GSTCD: variants seen among roughly 807,000 people sequenced by gnomAD.
The protein encoded by GSTCD is glutathione S-transferase C-terminal domain-containing protein.
GSTCD carries 44 observed loss-of-function variants against 68.3 expected under a neutral mutation model. The observed-to-expected ratio is 0.64, with a 90% CI of 0.51 to 0.83. The LOEUF is 0.83. Ranked by LOEUF, GSTCD falls within the 40% of genes least tolerant of loss-of-function variation. GSTCD has a pLI of 0.00. For missense variants in GSTCD, 739 were observed against 735.9 expected (o/e 1.00, Z -0.05); for synonymous variants, 273 against 255.2 (o/e 1.07, Z -0.67).
intron 5 of GSTCD, among the ~76,000 whole-genome samples, chr4:105,744,223 C>T (rs904491196): frequency 3.3e-5 from 5 of 152,184 alleles, no homozygotes; most frequent in Non-Finnish European, 7.4e-5. Flanking sequence ...GCAGGAATAT[C>T]ACAGATGCGA....
intron 5 of GSTCD, among the ~76,000 whole-genome samples, chr4:105,800,398 AAGATG>A (rs1736062567): frequency 6.6e-6 from 1 of 152,172 alleles, no homozygotes; most frequent in African/African-American, 2.4e-5. Context: ...GTTATAATTC[AAGATG>A]AGATTTGGGT....
At chr4:105,795,524 C>A (rs1287938296) in intron 5 of GSTCD, among the ~76,000 whole-genome samples, 7 of 152,022 alleles carry the variant, frequency 4.6e-5, no homozygotes, top group Admixed American at 4.6e-4. Flanking sequence ...AATGTATATT[C>A]TGCCTAAGCT....
chr4:105,732,855 G>A (rs1014905412), intron 5 of GSTCD, among the ~76,000 whole-genome samples: 2 of 152,144 alleles, frequency 1.3e-5, no homozygotes, highest in Non-Finnish European at 1.5e-5. Flanking sequence ...TCTACACACT[G>A]CTTTAAATGT....
At chr4:105,776,283 G>A (rs924917200) in intron 5 of GSTCD, among the ~76,000 whole-genome samples, 1 of 152,178 alleles carries the variant, frequency 6.6e-6, no homozygotes, top group Admixed American at 6.5e-5. Context: ...CTCTGTGGGG[G>A]TGGAATCTGC....
chr4:105,732,823 C>T (rs1429736444), intron 5 of GSTCD, among the ~76,000 whole-genome samples: 1 of 152,118 alleles, frequency 6.6e-6, no homozygotes. Flanking sequence ...CTCCTGTGGG[C>T]ATTTAGTGGT....
chr4:105,754,060 T>C (rs186941254), intron 5 of GSTCD, among the ~76,000 whole-genome samples: 1 of 152,194 alleles, frequency 6.6e-6, no homozygotes, highest in South Asian at 2.1e-4. Flanking sequence ...ATTAGTACTA[T>C]TCATTACGAT....
intron 10 of GSTCD, chr4:105,840,128 T>TA (rs1724280272): frequency 2.3e-6 from 1 of 441,404 alleles, no homozygotes; most frequent in African/African-American, 2.0e-5. Flanking sequence ...AAAGAGAACA[T>TA]ACACACAAAT....
At chr4:105,793,137 TA>T (rs1351703146) in intron 5 of GSTCD, among the ~76,000 whole-genome samples, 3 of 152,040 alleles carry the variant, frequency 2.0e-5, no homozygotes, top group African/African-American at 7.3e-5. Flanking sequence ...TGCTAGCCTT[TA>T]TAAGTGTTAT....
In GSTCD at chr4:105,719,912, C is replaced by T. The variant is rs565232276; in HGVS notation, c.894+385C>T. ...CGGCTCTGTGGTGCAATGGATACTC[C>T]GTTGGACGTCTACTATTAGAGGGTG... On this transcript the variant is annotated intron_variant, in intron 3 of 11. Transcript: ENST00000515279. Among the ~76,000 whole-genome samples the T allele has an allele frequency of 1.1e-4, 17 of 151,534 alleles. No individual in the cohort carries two copies. The South Asian group carries it at 3.3e-3, about 30-fold the overall frequency.
chr4:105,791,098 A>G (rs891892471), intron 5 of GSTCD, among the ~76,000 whole-genome samples: 2 of 152,028 alleles, frequency 1.3e-5, no homozygotes, highest in African/African-American at 4.8e-5. Context: ...GTCTATTAAG[A>G]AAAAAGAGGG....
intron 1 of GSTCD, among the ~76,000 whole-genome samples, chr4:105,713,087 T>G (rs976790881): frequency 6.6e-6 from 1 of 152,148 alleles, no homozygotes; most frequent in South Asian, 2.1e-4. Context: ...GTAAAAAATA[T>G]CAGATTTATC....
chr4:105,790,855 G>A (rs1735636535), intron 5 of GSTCD, among the ~76,000 whole-genome samples: 2 of 152,048 alleles, frequency 1.3e-5, no homozygotes, highest in South Asian at 2.1e-4. Context: ...TATGTTTTCA[G>A]AGCAGTTGTT....
intron 1 of GSTCD, among the ~76,000 whole-genome samples, chr4:105,714,197 TG>T (rs1732618348): frequency 6.6e-6 from 1 of 152,178 alleles, no homozygotes; most frequent in South Asian, 2.1e-4. Flanking sequence ...AGGAAAGAGA[TG>T]CACACTCTAT....
chr4:105,725,048 T>TA (rs1419073959), intron 3 of GSTCD, among the ~76,000 whole-genome samples: 3 of 151,294 alleles, frequency 2.0e-5, no homozygotes, highest in African/African-American at 7.3e-5. Flanking sequence ...GGTAAAAACA[T>TA]ACTACCAATG....
intron 1 of GSTCD, among the ~76,000 whole-genome samples, chr4:105,715,045 G>A (rs1316865125): frequency 6.6e-6 from 1 of 152,260 alleles, no homozygotes; most frequent in Admixed American, 6.5e-5. Flanking sequence ...TTGGGCAAAT[G>A]ATGAAATCAG....
At chr4:105,748,923 A>G (rs977914713) in intron 5 of GSTCD, among the ~76,000 whole-genome samples, 1 of 152,024 alleles carries the variant, frequency 6.6e-6, no homozygotes, top group Non-Finnish European at 1.5e-5. Flanking sequence ...TTATATTAAC[A>G]TGTTTTTTTA....
At chr4:105,797,203 A>G (rs576198169) in intron 5 of GSTCD, among the ~76,000 whole-genome samples, 13 of 151,478 alleles carry the variant, frequency 8.6e-5, no homozygotes, top group Admixed American at 3.3e-4. Flanking sequence ...CTTTCCCACT[A>G]CCTCAACTTT....
intron 5 of GSTCD, among the ~76,000 whole-genome samples, chr4:105,819,460 C>T (rs1293501553): frequency 1.3e-5 from 2 of 151,760 alleles, no homozygotes; most frequent in Admixed American, 1.3e-4. Flanking sequence ...ACTATGTCTT[C>T]TTATTCATTT....
chr4:105,760,255 A>G (rs1014924995), intron 5 of GSTCD, among the ~76,000 whole-genome samples: 12 of 152,066 alleles, frequency 7.9e-5, no homozygotes, highest in Non-Finnish European at 1.6e-4. Context: ...CAAGAGAGAA[A>G]GCCCTCTAAT....
Sources: gnomAD v4.1 joint callset for allele counts (sites outside exome capture counted in the v4.1 genomes callset) on GRCh38, gnomAD v4.1.1 for gene constraint, MANE v1.5 for transcripts, NCBI Gene and HGNC (gene_info 2026-07-23, HGNC 2026-07-21) for gene names.